The following EPHA4 variants were observed in gnomAD, a reference collection of about 807,000 sequenced individuals.
The protein encoded by EPHA4 is EPH receptor A4.
EPHA4 carries 19 observed loss-of-function variants against 108.3 expected under a neutral mutation model. The observed-to-expected ratio is 0.18, with a 90% CI of 0.12 to 0.26. The LOEUF (loss-of-function observed/expected upper bound fraction) is 0.26. EPHA4 is among the 10% of genes least tolerant of loss of function. EPHA4 has a pLI of 1.00. For synonymous variants in EPHA4, 449 were observed against 455.5 expected (o/e 0.99, Z 0.18); for missense variants, 917 against 1,254.0 (o/e 0.73, Z 4.06).
At chr2:221,447,821 T>TTTTATTAATTTATTTATTTATTTATTTA (rs1690639779) in intron 8 of EPHA4, among the ~76,000 whole-genome samples, 1 of 147,560 alleles carries the variant, frequency 6.8e-6, no homozygotes, top group African/African-American at 2.5e-5. Flanking sequence ...AAGGGTCTAT[T>TTTTATTAATTTATTTATTTATTTATTTA]TTTATTTATT....
chr2:221,472,913 T>C (rs184169593), intron 5 of EPHA4, among the ~76,000 whole-genome samples: 69 of 152,298 alleles, frequency 4.5e-4, no homozygotes, highest in Non-Finnish European at 6.0e-4. Flanking sequence ...TTTGTCAGAA[T>C]AGAGAAAGAA....
chr2:221,562,697 C>T (rs1694506168), intron 3 of EPHA4, among the ~76,000 whole-genome samples: 2 of 152,230 alleles, frequency 1.3e-5, no homozygotes, highest in South Asian at 4.1e-4. Flanking sequence ...TTGATAACTA[C>T]ATTATAAAAA....
chr2:221,456,885 G>T, intron 6 of EPHA4, 113 bp from the exon 7 acceptor site: 1 of 1,113,040 alleles, frequency 9.0e-7, no homozygotes, highest in Non-Finnish European at 1.3e-6. Flanking sequence ...GAAAGTAAAT[G>T]GAGATGAATA....
chr2:221,530,757 A>G (rs946944519), intron 3 of EPHA4, among the ~76,000 whole-genome samples: 1 of 152,170 alleles, frequency 6.6e-6, no homozygotes, highest in Non-Finnish European at 1.5e-5. Context: ...GCCTCAAACA[A>G]GGGAAGAATC....
intron 3 of EPHA4, among the ~76,000 whole-genome samples, chr2:221,538,939 A>C (rs549328848): frequency 5.9e-5 from 9 of 152,356 alleles, no homozygotes; most frequent in Admixed American, 5.9e-4. Flanking sequence ...GCTATAGTGA[A>C]TGCAAAGATA....
chr2:221,423,539 G>A (rs750122971), intron 17 of EPHA4, among the ~76,000 whole-genome samples: 1 of 152,060 alleles, frequency 6.6e-6, no homozygotes, highest in Non-Finnish European at 1.5e-5. Context: ...AGATTCAGAC[G>A]GTGACCTTTG....
upstream of EPHA4, chr2:221,572,526 C>A: frequency 4.1e-6 from 1 of 245,382 alleles, no homozygotes; most frequent in Non-Finnish European, 7.7e-6. Flanking sequence ...GTCCCCGCCC[C>A]CGCCTGCCGG....
intron 4 of EPHA4, among the ~76,000 whole-genome samples, chr2:221,498,539 G>A (rs545727850): frequency 1.3e-5 from 2 of 152,118 alleles, no homozygotes; most frequent in African/African-American, 4.8e-5. Flanking sequence ...GCCACGCAGA[G>A]AAAGTTCTTA....
At chr2:221,502,086 C>G (rs1692506079) in intron 3 of EPHA4, among the ~76,000 whole-genome samples, 1 of 152,088 alleles carries the variant, frequency 6.6e-6, no homozygotes, top group Non-Finnish European at 1.5e-5. Flanking sequence ...TCTTCATAAA[C>G]ATCACACTGA....
intron 3 of EPHA4, among the ~76,000 whole-genome samples, chr2:221,551,106 G>T (rs1358149852): frequency 6.6e-6 from 1 of 151,984 alleles, no homozygotes. Flanking sequence ...TAATATAAAA[G>T]TTTGAAATAA....
At chr2:221,485,388 A>G (rs2106144042) in intron 4 of EPHA4, among the ~76,000 whole-genome samples, 1 of 152,332 alleles carries the variant, frequency 6.6e-6, no homozygotes, top group South Asian at 2.1e-4. Context: ...TTCTGAAGGA[A>G]GGCTCTGGGT....
At chr2:221,440,095 T>C (rs1267810727) in intron 11 of EPHA4, among the ~76,000 whole-genome samples, 2 of 152,144 alleles carry the variant, frequency 1.3e-5, no homozygotes, top group African/African-American at 4.8e-5. Context: ...AAAATAGGCC[T>C]GGGCTGGGCT....
At chr2:221,495,977 A>C (rs1016745043) in intron 4 of EPHA4, among the ~76,000 whole-genome samples, 2 of 152,206 alleles carry the variant, frequency 1.3e-5, no homozygotes, top group African/African-American at 4.8e-5. Context: ...CCTGATTATC[A>C]TGGCTGTCAG....
At chr2:221,531,823 C>A (rs932308830) in intron 3 of EPHA4, among the ~76,000 whole-genome samples, 3 of 151,952 alleles carry the variant, frequency 2.0e-5, no homozygotes, top group Non-Finnish European at 4.4e-5. Flanking sequence ...TAAATAGAAT[C>A]TTCTTGTTTT....
At chr2:221,517,646 T>A (rs2565745) in intron 3 of EPHA4, among the ~76,000 whole-genome samples, 113,228 of 152,066 alleles carry the variant, frequency 0.74, 43,122 homozygotes, top group East Asian at 1. Context: ...CATTTTTTTT[T>A]TTTAAGTGGA....
intron 3 of EPHA4, among the ~76,000 whole-genome samples, chr2:221,505,582 C>T (rs1254695417): frequency 6.6e-6 from 1 of 152,112 alleles, no homozygotes; most frequent in Non-Finnish European, 1.5e-5. Flanking sequence ...CCTCGGCCTC[C>T]CAAAGTGCCA....
chr2:221,501,868 G>C (rs1419161519), intron 3 of EPHA4, among the ~76,000 whole-genome samples: 1 of 152,130 alleles, frequency 6.6e-6, no homozygotes, highest in Non-Finnish European at 1.5e-5. Context: ...CTATCAACTG[G>C]AGATTTTGGA....
intron 3 of EPHA4, among the ~76,000 whole-genome samples, chr2:221,501,538 T>C (rs1367231512): frequency 6.6e-6 from 1 of 152,170 alleles, no homozygotes; most frequent in Non-Finnish European, 1.5e-5. Flanking sequence ...TATCTCTACC[T>C]TAGAAGTGAG....
intron 3 of EPHA4, among the ~76,000 whole-genome samples, chr2:221,526,052 A>G (rs984900583): frequency 6.6e-6 from 1 of 152,248 alleles, no homozygotes; most frequent in African/African-American, 2.4e-5. Context: ...TTGAAGAATT[A>G]TGGCTCAGCA....
Sources: allele counts gnomAD v4.1 joint callset (sites outside exome capture counted in the v4.1 genomes callset), GRCh38; gene constraint gnomAD v4.1.1; transcripts MANE v1.5; gene names NCBI Gene and HGNC (gene_info 2026-07-23, HGNC 2026-07-21).